The following COPS2 variants were observed in gnomAD, a reference collection of about 807,000 sequenced individuals.
COPS2 encodes COP9 signalosome subunit 2.
Under a neutral mutation model 66.1 loss-of-function variants are expected in COPS2, and 10 were observed. The ratio of observed to expected loss-of-function variants is 0.15; its 90% confidence interval spans 0.09 to 0.26. The LOEUF (loss-of-function observed/expected upper bound fraction) is 0.26, where lower values mean the gene tolerates loss of function less well. Among genes scored for constraint, COPS2 ranks in the 10% least tolerant of loss-of-function variants. The probability of loss-of-function intolerance (pLI) is 1.00; values close to 1 mark genes in which losing one functional copy is unlikely to be tolerated. For synonymous variants in COPS2, 179 were observed against 171.3 expected, an observed-to-expected ratio of 1.04 and a Z score of -0.35; for missense variants, 215 against 513.3, an observed-to-expected ratio of 0.42 and a Z score of 5.62.
chr15:49,150,955 T>C (rs1284260024), intron 1 of COPS2, among the ~76,000 whole-genome samples: 2 of 152,066 alleles, frequency 1.3e-5, no homozygotes, highest in African/African-American at 4.8e-5. Context: ...AGAAGAACAA[T>C]ACTAGTAAAC....
intron 12 of COPS2, 41 bp downstream of exon 12, chr15:49,128,661 G>T: frequency 7.2e-7 from 1 of 1,392,320 alleles, no homozygotes; most frequent in South Asian, 1.3e-5. Flanking sequence ...CAAAACTTAC[G>T]GTACCAAATA....
chr15:49,130,240 T>C (rs1320725583), intron 10 of COPS2, among the ~76,000 whole-genome samples: 2 of 152,134 alleles, frequency 1.3e-5, no homozygotes, highest in Non-Finnish European at 2.9e-5. Context: ...AAAGAGATGA[T>C]TGTAGTCTTT....
intron 1 of COPS2, among the ~76,000 whole-genome samples, chr15:49,151,247 A>C (rs2084358481): frequency 6.6e-6 from 1 of 152,044 alleles, no homozygotes; most frequent in African/African-American, 2.4e-5. Context: ...CTAAAATATA[A>C]AAATTAGCCG....
At chr15:49,145,142 A>C in intron 1 of COPS2, 64 bp from the exon 2 acceptor site, 1 of 817,300 alleles carries the variant, frequency 1.2e-6, no homozygotes, top group Non-Finnish European at 1.9e-6. Flanking sequence ...TAGCAACGTA[A>C]AAAGTGAATG....
intron 1 of COPS2, among the ~76,000 whole-genome samples, chr15:49,147,731 A>AC (rs892880228): frequency 1.1e-4 from 17 of 151,372 alleles, no homozygotes; most frequent in Non-Finnish European, 1.5e-5. Context: ...ACTCCAAAAA[A>AC]AAAAAAAAAA....
Position 49,144,280 on chromosome 15 carries a change from CT to C in COPS2, c.192del (p.Gly65GlufsTer8). ...TTCAGTGCTTTAAATCCCCATTCTC[CT>C]TTTTCACCTTCAAGTTCCAAAACCT... ...FQKVLELEGE[K>X]GEWGFKALKQ... On this transcript the variant is annotated frameshift_variant, in exon 3 of 13. Coordinates refer to ENST00000388901, the MANE Select transcript of COPS2 (RefSeq NM_004236.4). LOFTEE classifies it high-confidence loss of function. 1 of 1,609,302 alleles carries C rather than the reference CT, an allele frequency of 6.2e-7. No homozygotes were observed. Among genetic ancestry groups the C allele is most frequent in the African/African-American group, 1.3e-5 (1 of 74,848 alleles).
chr15:49,133,265 G>A (rs1435542336), intron 9 of COPS2, among the ~76,000 whole-genome samples: 2 of 152,196 alleles, frequency 1.3e-5, no homozygotes, highest in African/African-American at 4.8e-5. Context: ...TGGGATGACA[G>A]GCGTGAGCCA....
At position 49,155,554 on chromosome 15, in the gene COPS2, T is replaced by G. The variant is rs757080604; in HGVS notation, c.25A>C (p.Met9Leu). Residue 9 changes from methionine to leucine, a missense_variant, in exon 1 of 13, where the codon ATG becomes CTG. By Grantham distance (15) the Met-to-Leu change is conservative (BLOSUM62 2). Coordinates refer to ENST00000388901, the MANE Select transcript of COPS2 (RefSeq NM_004236.4). ...TCGTAGTCCTCCTCATCATCGCACA[T>G]GAAATCATCCTCCATGTCAGACATC... is the stretch of plus-strand genomic sequence containing the variant. MSDMEDDF[M>L]CDDEEDYDLE... 5.6e-6 allele frequency: 9 copies of G among 1,614,012 alleles called. No individual in the cohort carries two copies. Among genetic ancestry groups the G allele is most frequent in the Middle Eastern group, 1.6e-4 (1 of 6,084 alleles).
intron 4 of COPS2, 143 bp from the exon 5 acceptor site, chr15:49,137,580 C>A: frequency 1.7e-6 from 1 of 593,662 alleles, no homozygotes; most frequent in Non-Finnish European, 2.9e-6. Context: ...CTTCTACAGT[C>A]CAAAAAATTA....
intron 3 of COPS2, among the ~76,000 whole-genome samples, chr15:49,143,725 G>A (rs142418760): frequency 0.031 from 4,715 of 152,244 alleles, 144 homozygotes; most frequent in African/African-American, 0.071. Flanking sequence ...GGTGGCTCAC[G>A]CCTGTAATCC....
chr15:49,135,436 T>C (rs1164409072), intron 6 of COPS2, among the ~76,000 whole-genome samples: 1 of 152,132 alleles, frequency 6.6e-6, no homozygotes, highest in African/African-American at 2.4e-5. Context: ...CACACTCTAG[T>C]AGAAGATTAA....
chr15:49,147,135 A>G (rs756454171), intron 1 of COPS2, among the ~76,000 whole-genome samples: 2 of 152,156 alleles, frequency 1.3e-5, no homozygotes, highest in Non-Finnish European at 2.9e-5. Context: ...CTCTTTTCTA[A>G]TTGTTTTATT....
rs1436313841 is a variant in COPS2 at position 49,122,865 on chromosome 15, T to A, written c.*5085A>T. 3.3e-5 allele frequency: 5 copies of A among 152,226 alleles called. No individual in the cohort carries two copies. Among genetic ancestry groups the A allele is most frequent in the South Asian group, 2.1e-4 (1 of 4,836 alleles). 9.4% of individuals were successfully genotyped at this position (152,226 alleles called of 1,614,324 possible). A position where few individuals can be genotyped will look rare whatever the true frequency, so the allele number is the denominator to read the frequency against. On this transcript the variant is annotated 3_prime_UTR_variant, in exon 13 of 13. Coordinates refer to ENST00000388901, the MANE Select transcript of COPS2 (RefSeq NM_004236.4). ...GTTCTCAATTATTAATTGGTGGAAC[T>A]GACCATTTCAGGCAGACATCCTGTT... is the stretch of plus-strand genomic sequence containing the variant.
At chr15:49,149,724 G>A (rs1047457242) in intron 1 of COPS2, among the ~76,000 whole-genome samples, 1 of 152,072 alleles carries the variant, frequency 6.6e-6, no homozygotes, top group African/African-American at 2.4e-5. Context: ...TGTATTTACC[G>A]CCAATAGAAG....
chr15:49,144,434 T>G (rs768894410), intron 2 of COPS2, 130 bp from the exon 3 acceptor site: 2 of 568,570 alleles, frequency 3.5e-6, no homozygotes, highest in Admixed American at 3.4e-5. Flanking sequence ...GATACCACCA[T>G]TTCTCAATGT....
Position 49,141,185 on chromosome 15 carries a change from C to T in COPS2, c.247-1532G>A, listed in dbSNP as rs1375376327. On this transcript the variant is annotated intron_variant, in intron 3 of 12. Transcript: ENST00000388901. ...CTAACTTTGAAGCTGTATCTTGGCA[C>T]TGAAATAGGAGTTTTGCAAAAAGTT... Among the ~76,000 whole-genome samples, 7 of 152,242 alleles carry T rather than the reference C, an allele frequency of 4.6e-5. No individual in the cohort carries two copies. In the East Asian group the frequency reaches 1.3e-3, roughly 29 times the overall value.
intron 1 of COPS2, among the ~76,000 whole-genome samples, chr15:49,154,009 T>A (rs1470566090): frequency 6.6e-6 from 1 of 152,176 alleles, no homozygotes; most frequent in Non-Finnish European, 1.5e-5. Context: ...GTATTTTATA[T>A]TTCAAAATAT....
intron 9 of COPS2, among the ~76,000 whole-genome samples, 176 bp from the exon 10 acceptor site, chr15:49,130,992 T>C (rs1481823678): frequency 6.6e-6 from 1 of 152,124 alleles, no homozygotes. Flanking sequence ...AAAAAAAACA[T>C]AAATTTCCTT....
Position 49,126,228 on chromosome 15 carries a change from G to C in COPS2, c.*1722C>G, listed in dbSNP as rs1180837897. On this transcript the variant is annotated 3_prime_UTR_variant, in exon 13 of 13. Transcript: ENST00000388901. ...CCCTACCATAGACATTTTGTCTTTT[G>C]TTTTCTTTCCGTTTTCTACAATTTC... The C allele has an allele frequency of 1.3e-5, 2 of 152,172 alleles. No homozygotes were observed. The highest frequency in any genetic ancestry group is 2.9e-5 in the Non-Finnish European group (2 of 67,828). 9.4% of individuals were successfully genotyped at this position (152,172 alleles called of 1,614,324 possible).
Sources: gnomAD v4.1 joint callset for allele counts (sites outside exome capture counted in the v4.1 genomes callset) on GRCh38, gnomAD v4.1.1 for gene constraint, MANE v1.5 for transcripts, NCBI Gene and HGNC (gene_info 2026-07-23, HGNC 2026-07-21) for gene names.